POC1B: variants seen among roughly 807,000 people sequenced by gnomAD.
The protein encoded by POC1B is POC1 centriolar protein homolog B.
Under a neutral mutation model 60.6 loss-of-function variants are expected in POC1B, and 44 were observed. That is an observed-to-expected ratio of 0.73 (90% CI 0.57 to 0.93). POC1B has a LOEUF of 0.93. Among genes scored for constraint, POC1B ranks in the 40% least tolerant of loss-of-function variants. The probability of loss-of-function intolerance (pLI) is 0.00; values close to 1 mark genes in which losing one functional copy is unlikely to be tolerated. For synonymous variants in POC1B, 180 were observed against 198.9 expected (o/e 0.90, Z 0.80); for missense variants, 555 against 572.3 (o/e 0.97, Z 0.31).
intron 2 of POC1B, among the ~76,000 whole-genome samples, chr12:89,499,351 A>G (rs906918426): frequency 6.6e-6 from 1 of 152,194 alleles, no homozygotes; most frequent in Non-Finnish European, 1.5e-5. Flanking sequence ...GACTACTAGA[A>G]GAGGGAGGAA....
rs1871177351 is a variant in POC1B at position 89,523,997 on chromosome 12, G to T, written c.100+1123C>A. 3 of 1,613,826 alleles carry T rather than the reference G, an allele frequency of 1.9e-6. No individual in the cohort carries two copies. In the South Asian group the frequency reaches 3.3e-5, roughly 18 times the overall value. ...AGATTGCTGATGTAAGTTTCAAGTTGTGTCTTCAAATAAACTCTGTCACTC... is the reference window on the plus strand; with the variant it reads ...AGATTGCTGATGTAAGTTTCAAGTTTTGTCTTCAAATAAACTCTGTCACTC... On this transcript the variant is annotated intron_variant, in intron 2 of 11. Transcript: ENST00000313546.
chr12:89,407,666 G>A, the POC1B span, among the ~76,000 whole-genome samples: 1 of 152,212 alleles, frequency 6.6e-6, no homozygotes, highest in African/African-American at 2.4e-5. Context: ...GAGCCAACTT[G>A]ATCAACACTG....
intron 9 of POC1B, among the ~76,000 whole-genome samples, chr12:89,462,670 G>A (rs557266229): frequency 1.3e-5 from 2 of 152,100 alleles, no homozygotes; most frequent in South Asian, 2.1e-4. Flanking sequence ...TGTTTATATT[G>A]AAGCATTACA....
intron 2 of POC1B, chr12:89,502,351 T>G: frequency 6.2e-7 from 1 of 1,611,750 alleles, no homozygotes; most frequent in Non-Finnish European, 8.5e-7. Flanking sequence ...TTTGAAACCT[T>G]TGGAGTACTG....
At chr12:89,469,681 T>A (rs996931049) in intron 7 of POC1B, among the ~76,000 whole-genome samples, 11 of 152,070 alleles carry the variant, frequency 7.2e-5, no homozygotes, top group Admixed American at 7.2e-4. Context: ...AGAGGCTGGG[T>A]GTCAGGGCTA....
At chr12:89,450,097 T>C (rs1410162847) in intron 10 of POC1B, among the ~76,000 whole-genome samples, 1 of 151,914 alleles carries the variant, frequency 6.6e-6, no homozygotes, top group Non-Finnish European at 1.5e-5. Context: ...CAACAAAAAA[T>C]AGTTTTAAAA....
intron 10 of POC1B, chr12:89,427,745 G>A (rs575249546): frequency 1.3e-5 from 2 of 152,148 alleles, no homozygotes; most frequent in East Asian, 3.9e-4. Flanking sequence ...TCCTCAAAAC[G>A]ATCCTATTAG....
At chr12:89,490,654 T>C (rs1168185591) in intron 4 of POC1B, among the ~76,000 whole-genome samples, 1 of 152,112 alleles carries the variant, frequency 6.6e-6, no homozygotes, top group East Asian at 1.9e-4. Context: ...CCCCAGACAG[T>C]TCTGATAGGG....
At chr12:89,506,135 G>C (rs7313924) in intron 2 of POC1B, among the ~76,000 whole-genome samples, 110,088 of 152,054 alleles carry the variant, frequency 0.72, 39,955 homozygotes, top group Middle Eastern at 0.82. Context: ...GATATACCCC[G>C]CCTGGAGCCC....
intron 10 of POC1B, among the ~76,000 whole-genome samples, chr12:89,435,295 C>T (rs1349738893): frequency 1.3e-5 from 2 of 150,196 alleles, no homozygotes; most frequent in African/African-American, 4.9e-5. Flanking sequence ...ATTCTCTTGT[C>T]TCAGCCTCCT....
chr12:89,467,448 C>T (rs1882725550), intron 8 of POC1B, among the ~76,000 whole-genome samples, 169 bp downstream of exon 8: 1 of 152,116 alleles, frequency 6.6e-6, no homozygotes, highest in African/African-American at 2.4e-5. Context: ...AAATTTAGAA[C>T]TGGCTCTGTT....
chr12:89,498,415 T>G (rs988727207), intron 2 of POC1B, among the ~76,000 whole-genome samples: 1 of 152,136 alleles, frequency 6.6e-6, no homozygotes, highest in African/African-American at 2.4e-5. Context: ...TAATAGGAAG[T>G]AGGTCAATGA....
chr12:89,468,387 A>G (rs1565737860), intron 7 of POC1B, among the ~76,000 whole-genome samples: 1 of 152,208 alleles, frequency 6.6e-6, no homozygotes, highest in East Asian at 1.9e-4. Context: ...TTCAGTCCAG[A>G]TAAGAGTAAG....
intron 10 of POC1B, among the ~76,000 whole-genome samples, chr12:89,454,169 A>C (rs1373907134): frequency 6.6e-6 from 1 of 152,186 alleles, no homozygotes; most frequent in East Asian, 1.9e-4. Context: ...CCTCTGCCAA[A>C]ATGATGCAGA....
intron 2 of POC1B, among the ~76,000 whole-genome samples, chr12:89,508,802 C>T (rs536283113): frequency 6.6e-6 from 1 of 152,316 alleles, no homozygotes; most frequent in South Asian, 2.1e-4. Context: ...AGCTTCCCCA[C>T]CTTTGCTCTG....
chr12:89,421,059 T>G lies in POC1B; in HGVS notation c.*94A>C. ...TGCCATGATAAATAGCACATGGTTG[T>G]GTTGTATGGAGTATCTTGTACTACC... On this transcript the variant is annotated 3_prime_UTR_variant, in exon 12 of 12. Coordinates refer to ENST00000313546, the MANE Select transcript of POC1B (RefSeq NM_172240.3). The G allele has an allele frequency of 2.2e-6, 2 of 896,458 alleles. No homozygotes were observed. Among genetic ancestry groups the G allele is most frequent in the Non-Finnish European group, 3.3e-6 (2 of 597,188 alleles). 55.5% of individuals were successfully genotyped at this position (896,458 alleles called of 1,614,324 possible). A position where few individuals can be genotyped will look rare whatever the true frequency, so the allele number is the denominator to read the frequency against.
At chr12:89,415,267 A>G (rs1386643362), downstream of POC1B, among the ~76,000 whole-genome samples, 1 of 152,264 alleles carries the variant, frequency 6.6e-6, no homozygotes, top group Non-Finnish European at 1.5e-5. Context: ...CCACTTAGTA[A>G]CAGTCCCTGT....
downstream of POC1B, among the ~76,000 whole-genome samples, chr12:89,416,184 G>A (rs1880361043): frequency 1.3e-5 from 2 of 152,230 alleles, no homozygotes; most frequent in Admixed American, 1.3e-4. Context: ...CATAGTGGAA[G>A]AGGCAGAGCT....
chr12:89,472,498 G>T, intron 4 of POC1B: 1 of 373,910 alleles, frequency 2.7e-6, no homozygotes, highest in Non-Finnish European at 4.7e-6. Flanking sequence ...TAACCAAGTT[G>T]CTTTTTTCCT....
Sources: gnomAD v4.1 joint callset for allele counts (sites outside exome capture counted in the v4.1 genomes callset) on GRCh38, gnomAD v4.1.1 for gene constraint, MANE v1.5 for transcripts, NCBI Gene and HGNC (gene_info 2026-07-23, HGNC 2026-07-21) for gene names.